ARHGAP32: variants seen among roughly 807,000 people sequenced by gnomAD.
The protein encoded by ARHGAP32 is rho GTPase-activating protein 32.
A neutral mutation model predicts 186.5 loss-of-function variants in ARHGAP32; 51 were observed. The ratio of observed to expected loss-of-function variants is 0.27; its 90% CI spans 0.22 to 0.35. The LOEUF is 0.35. ARHGAP32 is among the 10% of genes least tolerant of loss of function. The pLI, the probability that ARHGAP32 is intolerant of heterozygous loss-of-function variation, is 1.00. For missense variants in ARHGAP32, 2,186 were observed against 2,623.5 expected, an observed-to-expected ratio of 0.83 and a Z score of 3.64; for synonymous variants, 950 against 964.3, an observed-to-expected ratio of 0.99 and a Z score of 0.27.
intron 11 of ARHGAP32, among the ~76,000 whole-genome samples, chr11:129,035,528 C>T (rs912122052): frequency 6.6e-6 from 1 of 152,194 alleles, no homozygotes; most frequent in African/African-American, 2.4e-5. Flanking sequence ...ACAGAATTCA[C>T]ATCATCCTTT....
chr11:129,115,256 G>A (rs1012106729), intron 5 of ARHGAP32, among the ~76,000 whole-genome samples: 3 of 152,034 alleles, frequency 2.0e-5, no homozygotes, highest in South Asian at 2.1e-4. Context: ...AGTTCAGGAC[G>A]CCAAGAGGAA....
chr11:129,091,891 T>G (rs1325869059), intron 6 of ARHGAP32, among the ~76,000 whole-genome samples: 1 of 152,076 alleles, frequency 6.6e-6, no homozygotes, highest in African/African-American at 2.4e-5. Flanking sequence ...TAAAAAAGTA[T>G]GATTCTAGGC....
chr11:129,152,992 G>T (rs1034932549), intron 2 of ARHGAP32, among the ~76,000 whole-genome samples: 4 of 152,028 alleles, frequency 2.6e-5, no homozygotes, highest in African/African-American at 9.7e-5. Flanking sequence ...AAACCCTAAT[G>T]ACTCATCTAA....
intron 2 of ARHGAP32, among the ~76,000 whole-genome samples, chr11:129,134,470 T>C (rs1942892668): frequency 6.6e-6 from 1 of 152,182 alleles, no homozygotes; most frequent in East Asian, 1.9e-4. Flanking sequence ...AATCAAAGAA[T>C]GTATCAAGGT....
intron 1 of ARHGAP32, among the ~76,000 whole-genome samples, chr11:129,185,682 T>C (rs1338748976): frequency 4.6e-5 from 7 of 151,984 alleles, no homozygotes; most frequent in Non-Finnish European, 8.8e-5. Flanking sequence ...AATGGGTGAA[T>C]AAAAGAGTTT....
intron 1 of ARHGAP32, among the ~76,000 whole-genome samples, chr11:129,204,680 G>C (rs1369927256): frequency 1.3e-5 from 2 of 152,164 alleles, no homozygotes; most frequent in Admixed American, 6.6e-5. Context: ...AGAGAGGGTT[G>C]TAAGAGTAAA....
chr11:129,005,238 A>G (rs1937699790), intron 11 of ARHGAP32, among the ~76,000 whole-genome samples: 1 of 151,978 alleles, frequency 6.6e-6, no homozygotes, highest in African/African-American at 2.4e-5. Flanking sequence ...GAAAAGTTCT[A>G]GTTATTATTT....
intron 11 of ARHGAP32, among the ~76,000 whole-genome samples, chr11:128,999,866 G>T (rs896210908): frequency 1.3e-5 from 2 of 152,158 alleles, no homozygotes; most frequent in African/African-American, 2.4e-5. Flanking sequence ...GATGTTACAG[G>T]ATTATAAGAG....
chr11:128,983,680 T>A, intron 15 of ARHGAP32, among the ~76,000 whole-genome samples: 1 of 150,284 alleles, frequency 6.7e-6, no homozygotes, highest in African/African-American at 2.4e-5. Flanking sequence ...AAAGCCAGGC[T>A]CCTCAGCCAA....
chr11:129,078,519 G>T (rs1941117561), intron 6 of ARHGAP32, among the ~76,000 whole-genome samples: 1 of 152,140 alleles, frequency 6.6e-6, no homozygotes, highest in Non-Finnish European at 1.5e-5. Context: ...TTGAGACAGA[G>T]TCTCACTCTG....
intron 5 of ARHGAP32, among the ~76,000 whole-genome samples, chr11:129,121,753 C>A (rs1349749389): frequency 6.6e-6 from 1 of 151,952 alleles, no homozygotes; most frequent in Non-Finnish European, 1.5e-5. Context: ...GGTGTGTAAT[C>A]TAAAATGAAG....
chr11:129,119,815 C>G (rs988575036), intron 5 of ARHGAP32, among the ~76,000 whole-genome samples: 1 of 151,816 alleles, frequency 6.6e-6, no homozygotes, highest in Non-Finnish European at 1.5e-5. Flanking sequence ...GTAAAGGAAA[C>G]AAAAAGTACC....
At chr11:129,244,767 C>A (rs1005469941) in intron 1 of ARHGAP32, among the ~76,000 whole-genome samples, 23 of 152,076 alleles carry the variant, frequency 1.5e-4, no homozygotes, top group Non-Finnish European at 3.2e-4. Flanking sequence ...AAACAAACAA[C>A]CCCATCAAAA....
At chr11:128,994,613 C>T (rs1946150623) in intron 12 of ARHGAP32, among the ~76,000 whole-genome samples, 1 of 152,138 alleles carries the variant, frequency 6.6e-6, no homozygotes, top group Admixed American at 6.5e-5. Flanking sequence ...GCCACCACAC[C>T]CAGCCCCCTA....
intron 1 of ARHGAP32, among the ~76,000 whole-genome samples, chr11:129,246,158 T>C (rs930803416): frequency 6.6e-6 from 1 of 152,218 alleles, no homozygotes; most frequent in Non-Finnish European, 1.5e-5. Context: ...ATCAGAGTCA[T>C]CTTGAGCTTG....
At chr11:129,002,432 T>C (rs1027659444) in intron 11 of ARHGAP32, among the ~76,000 whole-genome samples, 2 of 152,218 alleles carry the variant, frequency 1.3e-5, no homozygotes, top group South Asian at 2.1e-4. Context: ...GATTTTTTCA[T>C]GTTAATTTTG....
Position 129,101,199 on chromosome 11 carries a change from G to A in ARHGAP32, c.445-7492C>T, listed in dbSNP as rs564561104. On this transcript the variant is annotated intron_variant, in intron 5 of 22. Transcript: ENST00000682385. ...CTAAAGGTCATCAAATAGGATAAAA[G>A]GGGGAAAAAAAACATCCAAAGGCCA... Among the ~76,000 whole-genome samples, 741 of 152,064 alleles carry A rather than the reference G, an allele frequency of 4.9e-3. 12 individuals carry two copies. Among genetic ancestry groups the A allele is most frequent in the African/African-American group, 0.017 (701 of 41,472 alleles).
At position 128,970,016 on chromosome 11, in the gene ARHGAP32, A is replaced by C; in HGVS notation, c.5197T>G (p.Phe1733Val). The change falls in exon 23 of 23, where the codon TTC (phenylalanine) becomes GTC (valine). Residue 1733 changes from phenylalanine to valine, a missense_variant. Around this residue, in one of 5 missense-constraint regions of ARHGAP32, gnomAD observed 1,502 missense variants for 1,570.0 expected, o/e 0.96. Coordinates refer to ENST00000682385, the MANE Select transcript of ARHGAP32 (RefSeq NM_001378024.1). This position sits in a 1 kb window ranked among gnomAD's most constrained non-coding sequence, Gnocchi z 5.8. ...ACTACATTATGGTCGTTGGGAGAGAAATAGCCAGTCACGTTGGCCCGGGGA... is the reference window on the plus strand; with the variant it reads ...ACTACATTATGGTCGTTGGGAGAGACATAGCCAGTCACGTTGGCCCGGGGA... ...PRPRANVTGY[F>V]SPNDHNVVSM... 6.2e-7 allele frequency: 1 copy of C among 1,614,190 alleles called. No individual in the cohort carries two copies. Among genetic ancestry groups the C allele is most frequent in the South Asian group, 1.1e-5 (1 of 91,082 alleles).
chr11:129,238,838 A>G (rs560899711), intron 1 of ARHGAP32, among the ~76,000 whole-genome samples: 1 of 145,190 alleles, frequency 6.9e-6, no homozygotes. Context: ...TATTTTCACA[A>G]TAATAATTTT....
Sources: gnomAD v4.1 joint callset for allele counts (sites outside exome capture counted in the v4.1 genomes callset) on GRCh38, gnomAD v4.1.1 for gene constraint, gnomAD v4.1.1 regional missense constraint, Gnocchi (gnomAD v3.1) non-coding constraint, MANE v1.5 for transcripts, NCBI Gene and HGNC (gene_info 2026-07-23, HGNC 2026-07-21) for gene names.